The following LIMS1 variants were observed in gnomAD, a reference collection of about 807,000 sequenced individuals.
LIMS1 encodes the protein LIM and senescent cell antigen-like-containing domain protein 1.
Under a neutral mutation model 44.1 loss-of-function variants are expected in LIMS1, and 18 were observed. That is an observed-to-expected ratio of 0.41 (90% CI 0.28 to 0.61). The LOEUF is 0.61. LIMS1 is among the 20% of genes least tolerant of loss of function. LIMS1 has a pLI of 0.32. For missense variants in LIMS1, 201 were observed against 422.0 expected, an observed-to-expected ratio of 0.48 and a Z score of 4.59; for synonymous variants, 93 against 149.1, an observed-to-expected ratio of 0.62 and a Z score of 2.74.
chr2:108,641,714 G>A (rs1426056684), intron 1 of LIMS1, among the ~76,000 whole-genome samples: 1 of 152,056 alleles, frequency 6.6e-6, no homozygotes. Context: ...TGCTTCTGTG[G>A]TAATGAATAA....
intron 1 of LIMS1, among the ~76,000 whole-genome samples, chr2:108,598,082 G>A (rs911828593): frequency 1.5e-4 from 22 of 151,592 alleles, no homozygotes; most frequent in African/African-American, 4.8e-4. Context: ...CATCATCCTA[G>A]GAATAGCTAC....
At chr2:108,584,598 C>T (rs1006323449) in intron 1 of LIMS1, among the ~76,000 whole-genome samples, 5 of 152,060 alleles carry the variant, frequency 3.3e-5, no homozygotes, top group Non-Finnish European at 4.4e-5. Flanking sequence ...AAATGATCCT[C>T]GCGGAGTAAA....
At chr2:108,618,239 C>T (rs2148866691) in intron 1 of LIMS1, among the ~76,000 whole-genome samples, 1 of 152,308 alleles carries the variant, frequency 6.6e-6, no homozygotes, top group African/African-American at 2.4e-5. Flanking sequence ...TGCATTTATA[C>T]AGGCCTCCCT....
intron 1 of LIMS1, among the ~76,000 whole-genome samples, chr2:108,559,629 A>G (rs1685045463): frequency 6.6e-6 from 1 of 152,222 alleles, no homozygotes; most frequent in African/African-American, 2.4e-5. Context: ...ACATTTTTCT[A>G]TTACCCTCTC....
intron 1 of LIMS1, among the ~76,000 whole-genome samples, chr2:108,578,711 A>C (rs2104649559): frequency 6.8e-6 from 1 of 148,050 alleles, no homozygotes. Context: ...CTCCTGCCTC[A>C]GCCTCCCAAG....
chr2:108,682,847 A>G (rs1210677690), intron 9 of LIMS1, among the ~76,000 whole-genome samples: 1 of 152,230 alleles, frequency 6.6e-6, no homozygotes, highest in Admixed American at 6.5e-5. Flanking sequence ...TTATTTCACA[A>G]ATGCTACCTG....
chr2:108,661,379 C>T (rs1288487292), intron 2 of LIMS1, among the ~76,000 whole-genome samples: 2 of 151,156 alleles, frequency 1.3e-5, no homozygotes, highest in African/African-American at 2.4e-5. Context: ...TCCAAACATG[C>T]TCTATGTATC....
intron 1 of LIMS1, among the ~76,000 whole-genome samples, chr2:108,608,152 CT>C (rs1687377012): frequency 6.6e-6 from 1 of 152,158 alleles, no homozygotes; most frequent in South Asian, 2.1e-4. Flanking sequence ...CGAAGAAGCC[CT>C]TTCCTTAATG....
At chr2:108,686,757 C>CA (rs1693331969) in exon 10 of LIMS1, 1 of 145,272 alleles carries the variant, frequency 6.9e-6, no homozygotes, top group African/African-American at 2.6e-5. Context: ...GCCTGGGCGA[C>CA]AGAGCAAGAC....
chr2:108,635,375 CTGAGA>C (rs1689168728), intron 1 of LIMS1, among the ~76,000 whole-genome samples: 2 of 141,776 alleles, frequency 1.4e-5, no homozygotes, highest in African/African-American at 5.3e-5. Context: ...TGGCAGTGAG[CTGAGA>C]TTGCACCATC....
At chr2:108,582,907 C>T (rs1685940301) in intron 1 of LIMS1, among the ~76,000 whole-genome samples, 1 of 152,110 alleles carries the variant, frequency 6.6e-6, no homozygotes, top group Admixed American at 6.6e-5. Context: ...GCTTTATTTT[C>T]ATAGGTGGTA....
chr2:108,618,779 C>T lies in LIMS1; in HGVS notation c.33-40826C>T, dbSNP rs60463332. ...GGTGGAGGTTGCAGTGAGCTGAGAT[C>T]GTGCCACTGCACTCCAGCCTGGCGA... On this transcript the variant is annotated intron_variant, in intron 1 of 9. Coordinates refer to ENST00000544547, the Ensembl canonical transcript of LIMS1. Among the ~76,000 whole-genome samples the T allele has an allele frequency of 4.3e-3, 613 of 143,320 alleles. 4 individuals carry two copies. Among genetic ancestry groups the T allele is most frequent in the African/African-American group, 0.015 (563 of 38,014 alleles). The allele number at this position is 143,320 out of a possible 152,430, so 94.0% of individuals were successfully genotyped here. A position where few individuals can be genotyped will look rare whatever the true frequency, so the allele number is the denominator to read the frequency against.
intron 9 of LIMS1, among the ~76,000 whole-genome samples, chr2:108,682,040 ACT>A (rs890193763): frequency 1.3e-4 from 20 of 152,178 alleles, no homozygotes; most frequent in Non-Finnish European, 2.5e-4. Flanking sequence ...ATGTCTTCAA[ACT>A]CTTTTTTTAT....
intron 1 of LIMS1, among the ~76,000 whole-genome samples, chr2:108,650,560 C>T (rs112096940): frequency 2.6e-5 from 4 of 152,100 alleles, no homozygotes; most frequent in African/African-American, 9.6e-5. Flanking sequence ...TGGGATTACA[C>T]GTGCCCACCA....
intron 1 of LIMS1, among the ~76,000 whole-genome samples, chr2:108,563,404 A>C (rs879729545): frequency 3.9e-5 from 6 of 152,216 alleles, no homozygotes; most frequent in Non-Finnish European, 8.8e-5. Flanking sequence ...GATTTATGGC[A>C]GGTGGTCAAA....
intron 1 of LIMS1, among the ~76,000 whole-genome samples, chr2:108,626,617 C>T (rs1214099719): frequency 6.6e-6 from 1 of 152,156 alleles, no homozygotes; most frequent in East Asian, 1.9e-4. Context: ...TACTGCAGTT[C>T]AGAATCTGTT....
chr2:108,617,029 TC>T (rs1471393560), intron 1 of LIMS1, among the ~76,000 whole-genome samples: 2 of 152,214 alleles, frequency 1.3e-5, no homozygotes, highest in East Asian at 3.8e-4. Flanking sequence ...ATAACATTCT[TC>T]CTTTATGTCA....
intron 1 of LIMS1, among the ~76,000 whole-genome samples, chr2:108,620,544 C>T (rs1026393504): frequency 7.2e-5 from 11 of 152,140 alleles, no homozygotes; most frequent in Admixed American, 7.2e-4. Context: ...CACCCAAAAC[C>T]TTCCTAACAT....
At chr2:108,614,076 C>T (rs902473554) in intron 1 of LIMS1, among the ~76,000 whole-genome samples, 1 of 152,196 alleles carries the variant, frequency 6.6e-6, no homozygotes, top group African/African-American at 2.4e-5. Context: ...GTGAGGTGCA[C>T]AGCTGGGTTG....
Sources: allele counts gnomAD v4.1 joint callset (sites outside exome capture counted in the v4.1 genomes callset), GRCh38; gene constraint gnomAD v4.1.1; transcripts MANE v1.5; gene names NCBI Gene and HGNC (gene_info 2026-07-23, HGNC 2026-07-21).